CYP21A2: variants seen among roughly 807,000 people sequenced by gnomAD.
The protein encoded by CYP21A2 is cytochrome P450 family 21 subfamily A member 2.
In CYP21A2, 24 loss-of-function variants were observed where a neutral mutation model predicts 47.4. That is an observed-to-expected ratio of 0.51 (90% CI 0.37 to 0.71). The LOEUF is 0.71. Among genes scored for constraint, CYP21A2 ranks in the 30% least tolerant of loss-of-function variants. CYP21A2 has a pLI of 0.00. For synonymous variants in CYP21A2, 130 were observed against 273.9 expected (o/e 0.47, Z 5.19); for missense variants, 358 against 643.2 (o/e 0.56, Z 4.80).
chr6:32,039,593 A>T lies in CYP21A2; in HGVS notation c.597A>T (p.Leu199Phe), dbSNP rs143240527. The change falls in exon 5 of 10, where the codon TTA (leucine) becomes TTT (phenylalanine). Residue 199 changes from leucine to phenylalanine, a missense_variant. Physicochemically the swap from Leu to Phe is conservative, Grantham distance 22. Coordinates refer to ENST00000644719, the MANE Select transcript of CYP21A2 (RefSeq NM_000500.9). ...ATTACAAATGTATCCAGGAGGTGTT[A>T]AAAACCTGGAGCCACTGGTCCATCC... is the stretch of plus-strand genomic sequence containing the variant. ...PAYYKCIQEV[L>F]KTWSHWSIQI... The T allele has an allele frequency of 4.5e-4, 708 of 1,576,128 alleles. 7 individuals are homozygous for T. The African/African-American group carries it at 8.1e-3, about 18-fold the overall frequency.
At position 32,040,588 on chromosome 6, in the gene CYP21A2, A is replaced by T. The variant is rs771912317; in HGVS notation, c.1118+4A>T. 1 of 1,612,620 alleles carries T rather than the reference A, an allele frequency of 6.2e-7. No individual in the cohort carries two copies. The highest frequency in any genetic ancestry group is 1.3e-5 in the African/African-American group (1 of 74,904). Reference sequence around the variant, plus strand: ...ACCGCACCACACGGCCCAGCAGGTGACTCCCGAGGGTTGGGGATGAGTGAG... The same window carrying T: ...ACCGCACCACACGGCCCAGCAGGTGTCTCCCGAGGGTTGGGGATGAGTGAG... On this transcript the variant is annotated splice_donor_region_variant and intron_variant, in intron 8 of 9. Transcript: ENST00000644719.
Position 32,039,655 on chromosome 6 carries a change from C to A in CYP21A2, c.651+8C>A. ...GTGATTCCCTTTCTCAGGGTGAGGA[C>A]CTGGAGCCTAGACACCCCTGGGTTG... On this transcript the variant is annotated splice_region_variant and intron_variant, in intron 5 of 9. Transcript: ENST00000644719. 6.4e-7 allele frequency: 1 copy of A among 1,562,832 alleles called. No individual in the cohort carries two copies. Among genetic ancestry groups the A allele is most frequent in the South Asian group, 1.2e-5 (1 of 85,372 alleles).
In CYP21A2 at chr6:32,041,575, G is replaced by A. The variant is rs1226463760; in HGVS notation, c.*441G>A. On this transcript the variant is annotated 3_prime_UTR_variant, in exon 10 of 10. Coordinates refer to ENST00000644719, the MANE Select transcript of CYP21A2 (RefSeq NM_000500.9). ...CGCAGAGCTCCCTTCCTGACCCTCC[G>A]CTGCAGAGGATTGAGGCTTAATTCT... 1.3e-5 allele frequency: 14 copies of A among 1,057,462 alleles called. No homozygotes were observed. Among genetic ancestry groups the A allele is most frequent in the Middle Eastern group, 2.4e-4 (1 of 4,138 alleles). The allele number at this position is 1,057,462 out of a possible 1,614,324, so 65.5% of individuals were successfully genotyped here.
intron 7 of CYP21A2, 92 bp downstream of exon 7, chr6:32,040,297 G>T: frequency 6.2e-7 from 1 of 1,611,864 alleles, no homozygotes; most frequent in South Asian, 1.1e-5. Context: ...GTGCGGCTGG[G>T]GCTGTGCTTG....
chr6:32,040,152 A>G lies in CYP21A2; in HGVS notation c.886A>G (p.Thr296Ala), dbSNP rs759308952. 1 of 1,612,834 alleles carries G rather than the reference A, an allele frequency of 6.2e-7. No homozygotes were observed. The highest frequency in any genetic ancestry group is 1.1e-5 in the South Asian group (1 of 91,066). ...AVDLLIGGTE[T>A]TANTLSWAVV... ...GGACCTCCTGATCGGTGGCACTGAG[A>G]CCACAGCAAACACCCTCTCCTGGGC... Residue 296 changes from threonine (T) to alanine (A), a missense_variant, in exon 7 of 10, where the codon ACC becomes GCC. By Grantham distance (58) the Thr-to-Ala change is moderately conservative. Transcript: ENST00000644719.
rs1309816380 is a variant in CYP21A2 at position 32,039,736 on chromosome 6, C to T, written c.652-13C>T. 1.2e-6 allele frequency: 2 copies of T among 1,600,958 alleles called. No individual in the cohort carries two copies. The highest frequency in any genetic ancestry group is 1.3e-5 in the African/African-American group (1 of 74,404). On this transcript the variant is annotated splice_polypyrimidine_tract_variant and intron_variant, in intron 5 of 9. Coordinates refer to ENST00000644719, the MANE Select transcript of CYP21A2 (RefSeq NM_000500.9). ...TCCTTCCCACAGCTGCATTCTCATG[C>T]TTCCTGCCGCAGTTCTTCCCCAATC...
Position 32,041,207 on chromosome 6 carries a change from C to A in CYP21A2, c.*73C>A. 1.1e-6 allele frequency: 1 copy of A among 935,094 alleles called. No individual in the cohort carries two copies. Among genetic ancestry groups the A allele is most frequent in the Non-Finnish European group, 1.7e-6 (1 of 575,340 alleles). 57.9% of individuals were successfully genotyped at this position (935,094 alleles called of 1,614,324 possible). On this transcript the variant is annotated 3_prime_UTR_variant, in exon 10 of 10. Transcript: ENST00000644719. ...CTCCCGTACGAACCCCTCCCCTCCC[C>A]CCTGTAAACACAGTGCTGCGAGATC...
In CYP21A2 at chr6:32,039,566, C is replaced by T. The variant is rs1776116789; in HGVS notation, c.570C>T (p.Ala190=). 1.3e-6 allele frequency: 2 copies of T among 1,582,614 alleles called. No individual in the cohort carries two copies. Among genetic ancestry groups the T allele is most frequent in the Middle Eastern group, 3.3e-4 (2 of 6,026 alleles). The stretch of plus-strand genomic sequence containing the variant: ...GGCAGGACGACAACTTAATGCCTGC[C>T]TATTACAAATGTATCCAGGAGGTGT... ...DKIKDDNLMP[A]YYKCIQEVLK... The change falls in exon 5 of 10, where the codon GCC becomes GCT. Residue 190 remains alanine (A), a synonymous_variant. Transcript: ENST00000644719.
Position 32,040,421 on chromosome 6 carries a change from C to T in CYP21A2, c.955C>T (p.Gln319Ter), listed in dbSNP as rs7755898. Residue 319 changes from glutamine (Q) to a stop codon, truncating the protein, a stop_gained, in exon 8 of 10, where the codon CAG becomes TAG. Transcript: ENST00000644719. LOFTEE classifies it high-confidence loss of function. ...CATTCCCCAGATTCAGCAGCGACTG[C>T]AGGAGGAGCTAGACCACGAACTGGG... Reference protein sequence around the residue: ...LHHPEIQQRLQEELDHELGPG... With the variant: ...LHHPEIQQRL 9.0e-4 allele frequency: 1,416 copies of T among 1,580,252 alleles called. No individual in the cohort carries two copies. Among genetic ancestry groups the T allele is most frequent in the Middle Eastern group, 5.7e-3 (33 of 5,780 alleles).
Position 32,038,713 on chromosome 6 carries a change from G to T in CYP21A2, c.203-9G>T, listed in dbSNP as rs2151870701. On this transcript the variant is annotated splice_polypyrimidine_tract_variant and intron_variant, in intron 1 of 9. Coordinates refer to ENST00000644719, the MANE Select transcript of CYP21A2 (RefSeq NM_000500.9). ...TCTCTCCGCTGACGCTGCTTTGGCT[G>T]TCTCCCAGATGTGGTGGTGCTGAAC... is the stretch of plus-strand genomic sequence containing the variant. 6.8e-7 allele frequency: 1 copy of T among 1,468,876 alleles called. No individual in the cohort carries two copies. The highest frequency in any genetic ancestry group is 1.4e-5 in the African/African-American group (1 of 71,976). The allele number at this position is 1,468,876 out of a possible 1,614,324, so 91.0% of individuals were successfully genotyped here.
chr6:32,039,146 G>A lies in CYP21A2; in HGVS notation c.345G>A (p.Leu115=), dbSNP rs1230867335. The change falls in exon 3 of 10, where the codon CTG becomes CTA. Residue 115 remains leucine (L), a synonymous_variant. Transcript: ENST00000644719. ...YPDLSLGDYS[L]LWKAHKKLTR... is the part of the protein sequence containing the mutation. Reference sequence around the variant, plus strand: ...ACCTGTCCTTGGGAGACTACTCCCTGCTCTGGAAAGCCCACAAGAAGCTCA... The same window carrying A: ...ACCTGTCCTTGGGAGACTACTCCCTACTCTGGAAAGCCCACAAGAAGCTCA... The A allele has an allele frequency of 6.2e-7, 1 of 1,610,580 alleles. No individual in the cohort carries two copies. The highest frequency in any genetic ancestry group is 1.1e-5 in the South Asian group (1 of 90,410).
Position 32,041,142 on chromosome 6 carries a change from G to T in CYP21A2, c.*8G>T. 1 of 1,593,528 alleles carries T rather than the reference G, an allele frequency of 6.3e-7. No individual in the cohort carries two copies. Among genetic ancestry groups the T allele is most frequent in the South Asian group, 1.1e-5 (1 of 90,622 alleles). On this transcript the variant is annotated 3_prime_UTR_variant, in exon 10 of 10. Transcript: ENST00000644719. ...CCGGGCCAGAGCCAGTGATGGGGCA[G>T]GACCGATGCCAGCCGGGTACCTCAG...
At chr6:32,039,020 G>A (rs6450) in intron 2 of CYP21A2, 74 bp from the exon 3 acceptor site, 40,949 of 1,554,774 alleles carry the variant, frequency 0.026, 951 homozygotes, top group East Asian at 0.086. Context: ...GCAGGGGTTG[G>A]GGAGGCCGAA....
rs750280177 is a variant in CYP21A2 at position 32,041,108 on chromosome 6, G to A, written c.1462G>A (p.Ala488Thr). 1 of 1,595,538 alleles carries A rather than the reference G, an allele frequency of 6.3e-7. No individual in the cohort carries two copies. The highest frequency in any genetic ancestry group is 1.1e-5 in the South Asian group (1 of 90,454). ...QVRLQPRGMG[A>T]HSPGQSQ The stretch of plus-strand genomic sequence containing the variant: ...GCGGCTGCAGCCCCGGGGGATGGGG[G>A]CCCACAGCCCGGGCCAGAGCCAGTG... Residue 488 changes from alanine to threonine, a missense_variant, in exon 10 of 10, where the codon GCC (alanine) becomes ACC (threonine). By Grantham distance (58) the Ala-to-Thr change is moderately conservative. Transcript: ENST00000644719.
intron 7 of CYP21A2, 93 bp downstream of exon 7, chr6:32,040,298 G>A: frequency 6.2e-7 from 1 of 1,611,768 alleles, no homozygotes; most frequent in Non-Finnish European, 8.5e-7. Context: ...TGCGGCTGGG[G>A]CTGTGCTTGC....
At position 32,039,756 on chromosome 6, in the gene CYP21A2, C is replaced by T. The variant is rs770752895; in HGVS notation, c.659C>T (p.Pro220Leu). The part of the protein sequence containing the change: ...VDVIPFLRFF[P>L]NPGLRRLKQA... ...TCATGCTTCCTGCCGCAGTTCTTCC[C>T]CAATCCAGGTCTCCGGAGGCTGAAG... Residue 220 changes from proline to leucine, a missense_variant, in exon 6 of 10, where the codon CCC (proline) becomes CTC (leucine). Coordinates refer to ENST00000644719, the MANE Select transcript of CYP21A2 (RefSeq NM_000500.9). 33 of 1,611,852 alleles carry T rather than the reference C, an allele frequency of 2.0e-5. 1 individual carries two copies. The East Asian group carries it at 6.3e-4, about 31-fold the overall frequency.
At chr6:32,039,062 T>TGCCCCCCCCCCCCCCCC in intron 2 of CYP21A2, 32 bp from the exon 3 acceptor site, 1 of 1,565,828 alleles carries the variant, frequency 6.4e-7, no homozygotes, top group Non-Finnish European at 8.7e-7. Context: ...CTTCATCAGT[T>TGCCCCCCCCCCCCCCCC]CCCACCCTCC....
In CYP21A2 at chr6:32,041,600, T is replaced by C. The variant is rs1473888508; in HGVS notation, c.*466T>C. ...GCTGCAGAGGATTGAGGCTTAATTC[T>C]GAGCTGGCCCTTTCCAGCCAATAAA... On this transcript the variant is annotated 3_prime_UTR_variant, in exon 10 of 10. Transcript: ENST00000644719. 25 of 1,080,784 alleles carry C rather than the reference T, an allele frequency of 2.3e-5. No individual in the cohort carries two copies. The highest frequency in any genetic ancestry group is 6.9e-6 in the Non-Finnish European group (5 of 725,988). The allele number at this position is 1,080,784 out of a possible 1,614,324, so 66.9% of individuals were successfully genotyped here.
Position 32,039,653 on chromosome 6 carries a change from G to A in CYP21A2, c.651+6G>A. 1 of 1,562,670 alleles carries A rather than the reference G, an allele frequency of 6.4e-7. No individual in the cohort carries two copies. Among genetic ancestry groups the A allele is most frequent in the Non-Finnish European group, 8.7e-7 (1 of 1,152,562 alleles). On this transcript the variant is annotated splice_donor_region_variant and intron_variant, in intron 5 of 9. Coordinates refer to ENST00000644719, the MANE Select transcript of CYP21A2 (RefSeq NM_000500.9). ...ACGTGATTCCCTTTCTCAGGGTGAG[G>A]ACCTGGAGCCTAGACACCCCTGGGT...
Sources: gnomAD v4.1 joint callset for allele counts on GRCh38, gnomAD v4.1.1 for gene constraint, MANE v1.5 for transcripts, NCBI Gene and HGNC (gene_info 2026-07-23, HGNC 2026-07-21) for gene names.